Variants in RDX observed in about 807,000 individuals in gnomAD.
RDX encodes the protein radixin, also known as deafness, autosomal recessive 24.
In RDX, 32 loss-of-function variants were observed where a neutral mutation model predicts 83.7. The ratio of observed to expected loss-of-function variants is 0.38; its 90% CI spans 0.29 to 0.51. The LOEUF (loss-of-function observed/expected upper bound fraction) is 0.51, where lower values mean the gene tolerates loss of function less well. Among genes scored for constraint, RDX ranks in the 20% least tolerant of loss-of-function variants. The probability of loss-of-function intolerance (pLI) is 0.87; values close to 1 mark genes in which losing one functional copy is unlikely to be tolerated. For missense variants in RDX, 600 were observed against 689.9 expected, an observed-to-expected ratio of 0.87 and a Z score of 1.46; for synonymous variants, 229 against 222.7, an observed-to-expected ratio of 1.03 and a Z score of -0.25.
chr11:110,219,252 AAAG>A (rs1389429368), intron 14 of RDX, among the ~76,000 whole-genome samples: 3 of 152,162 alleles, frequency 2.0e-5, no homozygotes, highest in Non-Finnish European at 4.4e-5. Flanking sequence ...TGGCTGCTTT[AAAG>A]AATAACAAGG....
At chr11:110,250,169 C>T (rs187367724) in intron 9 of RDX, among the ~76,000 whole-genome samples, 3 of 152,282 alleles carry the variant, frequency 2.0e-5, no homozygotes, top group African/African-American at 4.8e-5. Context: ...TCTCTCCGGG[C>T]AAAAGAAAGG....
At chr11:110,197,857 C>T (rs778766223) in intron 15 of RDX, among the ~76,000 whole-genome samples, 7 of 152,156 alleles carry the variant, frequency 4.6e-5, no homozygotes, top group Non-Finnish European at 1.0e-4. Flanking sequence ...CAGCTAGACC[C>T]GTTTCAAAGA....
At chr11:110,292,495 CATT>C (rs1168730994) in intron 1 of RDX, among the ~76,000 whole-genome samples, 2 of 151,998 alleles carry the variant, frequency 1.3e-5, no homozygotes, top group African/African-American at 4.8e-5. Flanking sequence ...AAAAAAATGA[CATT>C]AAATTTCCTC....
chr11:110,293,156 C>T (rs780124642), intron 1 of RDX, among the ~76,000 whole-genome samples: 4 of 152,106 alleles, frequency 2.6e-5, no homozygotes, highest in Non-Finnish European at 5.9e-5. Context: ...CAATATAACC[C>T]TATTTTAACA....
chr11:110,219,691 G>A (rs2134273611), intron 14 of RDX, among the ~76,000 whole-genome samples: 1 of 152,262 alleles, frequency 6.6e-6, no homozygotes, highest in South Asian at 2.1e-4. Context: ...TGGAAGAAGG[G>A]ACTTACCATT....
intron 15 of RDX, among the ~76,000 whole-genome samples, chr11:110,187,204 C>T (rs1251332199): frequency 3.3e-5 from 5 of 152,218 alleles, no homozygotes; most frequent in Admixed American, 6.5e-5. Context: ...GGAGCAGCTG[C>T]TCACCTGAAC....
rs185189801 is a variant in RDX, at chr11:110,200,936, G to C, written c.1749-1258C>G. On this transcript the variant is annotated intron_variant, in intron 14 of 15. Transcript: ENST00000528498. ...TCAGGCTGAGTAATTCCAGCACTTT[G>C]GGAGGCCGAGGCAGAGATCACCTGA... Among the ~76,000 whole-genome samples the C allele has an allele frequency of 9.0e-4, 137 of 152,240 alleles. 1 individual carries two copies. The highest frequency in any genetic ancestry group is 3.0e-3 in the African/African-American group (126 of 41,550).
chr11:110,195,598 A>G (rs1360165519), intron 15 of RDX: 1 of 152,240 alleles, frequency 6.6e-6, no homozygotes, highest in Non-Finnish European at 1.5e-5. Context: ...TTTATATACA[A>G]TTATACAAAC....
At chr11:110,187,106 G>A (rs528726475) in intron 15 of RDX, among the ~76,000 whole-genome samples, 9 of 152,312 alleles carry the variant, frequency 5.9e-5, no homozygotes, top group South Asian at 2.1e-4. Flanking sequence ...CCCTGGAACC[G>A]TCTGCATGTG....
intron 5 of RDX, among the ~76,000 whole-genome samples, chr11:110,261,829 GT>G (rs1310758781): frequency 6.6e-6 from 1 of 152,154 alleles, no homozygotes; most frequent in Non-Finnish European, 1.5e-5. Context: ...AATAGAGTAG[GT>G]TAGAGCACAC....
intron 1 of RDX, among the ~76,000 whole-genome samples, chr11:110,295,339 C>T (rs1861403629): frequency 6.7e-6 from 1 of 150,370 alleles, no homozygotes; most frequent in Non-Finnish European, 1.5e-5. Context: ...AAGTATGCTC[C>T]TTAAACAATA....
chr11:110,203,274 T>C (rs1393495411), intron 14 of RDX, among the ~76,000 whole-genome samples: 1 of 151,874 alleles, frequency 6.6e-6, no homozygotes, highest in Non-Finnish European at 1.5e-5. Context: ...AGGACAAAAA[T>C]TGTATGTTCT....
At chr11:110,285,712 CAAAA>C (rs35030078) in intron 1 of RDX, among the ~76,000 whole-genome samples, 16 of 78,404 alleles carry the variant, frequency 2.0e-4, no homozygotes, top group Non-Finnish European at 3.0e-4. Flanking sequence ...GACTTTGTCT[CAAAA>C]AAAAAAAAAA....
intron 5 of RDX, among the ~76,000 whole-genome samples, chr11:110,258,869 T>TC (rs1026028246): frequency 2.4e-5 from 3 of 127,134 alleles, no homozygotes; most frequent in Admixed American, 7.5e-5. Flanking sequence ...AATACATTCT[T>TC]TTTTTTTTTT....
At chr11:110,291,187 T>C (rs1245227768) in intron 1 of RDX, among the ~76,000 whole-genome samples, 2 of 152,090 alleles carry the variant, frequency 1.3e-5, no homozygotes, top group Admixed American at 6.5e-5. Flanking sequence ...CAGCCAAGCA[T>C]GGTGGTGTGC....
chr11:110,235,102 C>A (rs1864790462), intron 12 of RDX, among the ~76,000 whole-genome samples: 1 of 152,052 alleles, frequency 6.6e-6, no homozygotes, highest in Non-Finnish European at 1.5e-5. Flanking sequence ...CCTACAATCC[C>A]AGCACTTTGG....
At chr11:110,223,325 C>G (rs1171369373) in intron 14 of RDX, among the ~76,000 whole-genome samples, 2 of 151,828 alleles carry the variant, frequency 1.3e-5, no homozygotes, top group African/African-American at 4.8e-5. Flanking sequence ...TGCACTCCAG[C>G]CTGGGCGACA....
intron 10 of RDX, among the ~76,000 whole-genome samples, chr11:110,239,408 T>C (rs1049351546): frequency 3.3e-5 from 5 of 151,950 alleles, no homozygotes; most frequent in Admixed American, 2.0e-4. Flanking sequence ...AAACAAAGAA[T>C]AGAAGAAAGT....
At chr11:110,210,694 TAAAGA>T (rs546754711) in intron 14 of RDX, among the ~76,000 whole-genome samples, 34 of 151,310 alleles carry the variant, frequency 2.2e-4, no homozygotes, top group African/African-American at 7.8e-4. Context: ...TCAACATTCT[TAAAGA>T]AAAGAATTTT....
Sources: gnomAD v4.1 joint callset for allele counts (sites outside exome capture counted in the v4.1 genomes callset) on GRCh38, gnomAD v4.1.1 for gene constraint, MANE v1.5 for transcripts, NCBI Gene and HGNC (gene_info 2026-07-23, HGNC 2026-07-21) for gene names.